EIF4G3: variants seen among roughly 807,000 people sequenced by gnomAD.
The protein encoded by EIF4G3 is eukaryotic translation initiation factor 4 gamma 3.
In EIF4G3, 34 loss-of-function variants were observed where a neutral mutation model predicts 186.4. That is an observed-to-expected ratio of 0.18 (90% confidence interval 0.14 to 0.24). EIF4G3 has a LOEUF of 0.24. EIF4G3 is among the 10% of genes least tolerant of loss of function. EIF4G3 has a pLI of 1.00. For missense variants in EIF4G3, 1,536 were observed against 1,948.5 expected, an observed-to-expected ratio of 0.79 and a Z score of 3.99; for synonymous variants, 673 against 679.5, an observed-to-expected ratio of 0.99 and a Z score of 0.15.
chr1:20,942,371 C>T, intron 13 of EIF4G3, 41 bp from the exon 14 acceptor site: 1 of 1,523,940 alleles, frequency 6.6e-7, no homozygotes, highest in Non-Finnish European at 8.8e-7. Context: ...ATTCTTGGAT[C>T]AGAGACTACA....
chr1:20,835,888 G>A (rs1377057348), intron 30 of EIF4G3, among the ~76,000 whole-genome samples: 4 of 151,512 alleles, frequency 2.6e-5, no homozygotes, highest in Admixed American at 1.3e-4. Context: ...AGTGAGCCAC[G>A]ATGAAGCCAC....
chr1:21,030,174 G>C (rs766865269), intron 4 of EIF4G3, among the ~76,000 whole-genome samples: 3 of 152,158 alleles, frequency 2.0e-5, no homozygotes, highest in Non-Finnish European at 4.4e-5. Flanking sequence ...GGGCTGGTTG[G>C]AGAAATTTTA....
At chr1:20,852,172 A>T (rs1397135381) in intron 27 of EIF4G3, among the ~76,000 whole-genome samples, 1 of 152,008 alleles carries the variant, frequency 6.6e-6, no homozygotes, top group Admixed American at 6.6e-5. Flanking sequence ...CAACCTCCTG[A>T]GTAGCTGGGA....
intron 2 of EIF4G3, among the ~76,000 whole-genome samples, chr1:21,090,567 T>C (rs1442480174): frequency 6.6e-6 from 1 of 152,226 alleles, no homozygotes; most frequent in African/African-American, 2.4e-5. Context: ...ATGGTAATCA[T>C]GTCTGGCACT....
chr1:20,829,320 G>A, intron 30 of EIF4G3, 48 bp from the exon 31 acceptor site: 1 of 1,597,466 alleles, frequency 6.3e-7, no homozygotes. Context: ...TAATTCAAAA[G>A]TTAAAATTAA....
At chr1:20,886,162 T>C (rs753816247) in intron 19 of EIF4G3, 39 bp downstream of exon 19, 25 of 1,569,344 alleles carry the variant, frequency 1.6e-5, no homozygotes, top group Non-Finnish European at 1.8e-5. Context: ...AAAATCAATA[T>C]AATTTCAAAA....
At chr1:21,119,198 C>T (rs1189022999) in intron 2 of EIF4G3, among the ~76,000 whole-genome samples, 1 of 151,838 alleles carries the variant, frequency 6.6e-6, no homozygotes, top group Non-Finnish European at 1.5e-5. Flanking sequence ...GTTTATAACA[C>T]TACTTTAAGA....
intron 30 of EIF4G3, among the ~76,000 whole-genome samples, chr1:20,835,849 ATC>A (rs933686795): frequency 6.6e-6 from 1 of 151,916 alleles, no homozygotes; most frequent in Non-Finnish European, 1.5e-5. Context: ...AGATGGGAGG[ATC>A]ACTTGAGCCC....
intron 2 of EIF4G3, among the ~76,000 whole-genome samples, chr1:21,123,955 A>G (rs915782266): frequency 6.6e-6 from 1 of 152,152 alleles, no homozygotes; most frequent in African/African-American, 2.4e-5. Context: ...TGTGTTTAAG[A>G]TATTCTTCAA....
At chr1:21,161,052 T>C (rs571909152) in intron 2 of EIF4G3, among the ~76,000 whole-genome samples, 127 of 152,044 alleles carry the variant, frequency 8.4e-4, no homozygotes, top group African/African-American at 2.9e-3. Context: ...ACACCTATAA[T>C]CCCAGCTACT....
chr1:20,861,129 T>C lies in EIF4G3; in HGVS notation c.3112-612A>G, dbSNP rs570313343. Among the ~76,000 whole-genome samples the C allele has an allele frequency of 2.6e-5, 4 of 152,362 alleles. No individual in the cohort carries two copies. In the South Asian group the frequency reaches 8.3e-4, roughly 32 times the overall value. The stretch of plus-strand genomic sequence containing the variant: ...TTCTAGCAACAGTCCCAACATCTGA[T>C]ATAAGTGGTTGATAACATGGGTGAA... On this transcript the variant is annotated intron_variant, in intron 23 of 36. Transcript: ENST00000602326.
chr1:21,168,705 C>T (rs771721949), intron 2 of EIF4G3, among the ~76,000 whole-genome samples: 1 of 152,056 alleles, frequency 6.6e-6, no homozygotes, highest in Non-Finnish European at 1.5e-5. Context: ...GGATTACAGG[C>T]ATGAACCACC....
chr1:21,079,465 C>A, intron 3 of EIF4G3, among the ~76,000 whole-genome samples: 1 of 132,886 alleles, frequency 7.5e-6, no homozygotes, highest in African/African-American at 2.8e-5. Flanking sequence ...TTCAGGAGTT[C>A]AAGACCAGCC....
chr1:20,829,452 GGAAAAAGACTA>G (rs1279328070), intron 30 of EIF4G3, among the ~76,000 whole-genome samples, 180 bp from the exon 31 acceptor site: 1 of 152,016 alleles, frequency 6.6e-6, no homozygotes, highest in Non-Finnish European at 1.5e-5. Flanking sequence ...TTAGCGTGGG[GGAAAAAGACTA>G]GAACAGACAA....
At chr1:20,917,490 G>A (rs575598393) in intron 14 of EIF4G3, among the ~76,000 whole-genome samples, 45 of 152,292 alleles carry the variant, frequency 3.0e-4, no homozygotes, top group Middle Eastern at 3.4e-3. Flanking sequence ...CTAGGTAACA[G>A]AGTGAGACCC....
chr1:20,833,255 C>G (rs1312135104), intron 30 of EIF4G3, among the ~76,000 whole-genome samples: 4 of 150,468 alleles, frequency 2.7e-5, no homozygotes, highest in African/African-American at 9.8e-5. Flanking sequence ...ATGGAATGTT[C>G]TTCCATTTGT....
In EIF4G3 at chr1:20,981,234, A is replaced by G. The variant is rs1186168267; in HGVS notation, c.199-7T>C. ...TTTGAGGCCTCTGGAAAAACTGGGAAGGGGAGAAAAAAAAAATTTTTTTTT... is the reference window on the plus strand; with the variant it reads ...TTTGAGGCCTCTGGAAAAACTGGGAGGGGGAGAAAAAAAAAATTTTTTTTT... On this transcript the variant is annotated splice_polypyrimidine_tract_variant and splice_region_variant and intron_variant, in intron 8 of 36. Coordinates refer to ENST00000602326, the MANE Select transcript of EIF4G3 (RefSeq NM_001391906.1). 6 of 1,562,276 alleles carry G rather than the reference A, an allele frequency of 3.8e-6. No homozygotes were observed. The African/African-American group carries it at 4.2e-5, about 11-fold the overall frequency.
intron 30 of EIF4G3, among the ~76,000 whole-genome samples, chr1:20,835,702 G>T (rs1230537645): frequency 6.6e-6 from 1 of 152,116 alleles, no homozygotes; most frequent in African/African-American, 2.4e-5. Context: ...CACTTTGAGA[G>T]GCCAAGGTGG....
At chr1:20,898,481 G>C (rs2089174519) in intron 16 of EIF4G3, among the ~76,000 whole-genome samples, 2 of 152,046 alleles carry the variant, frequency 1.3e-5, no homozygotes, top group African/African-American at 4.8e-5. Context: ...TAACTACAAA[G>C]TTTCTAAAAA....
Sources: allele counts gnomAD v4.1 joint callset (sites outside exome capture counted in the v4.1 genomes callset), GRCh38; gene constraint gnomAD v4.1.1; transcripts MANE v1.5; gene names NCBI Gene and HGNC (gene_info 2026-07-23, HGNC 2026-07-21).